Variants in FOCAD observed in about 807,000 individuals in gnomAD.
The protein encoded by FOCAD is focadhesin.
Under a neutral mutation model 225.6 loss-of-function variants are expected in FOCAD, and 198 were observed. The observed-to-expected ratio is 0.88, with a 90% CI of 0.78 to 0.99. FOCAD has a LOEUF of 0.99. FOCAD is among the 50% of genes least tolerant of loss of function. The pLI, the probability that FOCAD is intolerant of heterozygous loss-of-function variation, is 0.00. For missense variants in FOCAD, 2,713 were observed against 2,123.6 expected (o/e 1.28, Z -5.46); for synonymous variants, 897 against 755.0 (o/e 1.19, Z -3.08).
At chr9:20,860,253 G>A (rs1018820194) in intron 15 of FOCAD, among the ~76,000 whole-genome samples, 1 of 151,998 alleles carries the variant, frequency 6.6e-6, no homozygotes, top group Non-Finnish European at 1.5e-5. Context: ...TCCTTTTTCT[G>A]TTCCAGGATC....
chr9:20,888,662 A>C (rs1447636222), intron 21 of FOCAD, among the ~76,000 whole-genome samples: 1 of 152,134 alleles, frequency 6.6e-6, no homozygotes, highest in Non-Finnish European at 1.5e-5. Context: ...TTGAAATGTA[A>C]TGCCTACATG....
chr9:20,869,203 C>A (rs1239333247), intron 18 of FOCAD, among the ~76,000 whole-genome samples: 1 of 152,098 alleles, frequency 6.6e-6, no homozygotes, highest in Non-Finnish European at 1.5e-5. Context: ...CATTACTCTG[C>A]ACTAAGGGCA....
chr9:20,810,628 T>TC (rs139846392), intron 11 of FOCAD, among the ~76,000 whole-genome samples: 110 of 152,236 alleles, frequency 7.2e-4, no homozygotes, highest in Non-Finnish European at 1.3e-3. Context: ...ATTCCTTTTT[T>TC]CCCTGCTGGT....
chr9:20,690,907 T>C (rs929352652), intron 1 of FOCAD, among the ~76,000 whole-genome samples: 17 of 76,126 alleles, frequency 2.2e-4, no homozygotes, highest in African/African-American at 1.1e-3. Context: ...CCTGTCAGCA[T>C]TTTTTTTTTT....
At chr9:20,838,133 A>T (rs1027799522) in intron 15 of FOCAD, among the ~76,000 whole-genome samples, 1 of 152,110 alleles carries the variant, frequency 6.6e-6, no homozygotes, top group South Asian at 2.1e-4. Flanking sequence ...TAAGTTTAGA[A>T]ACGTTATAGT....
At chr9:20,731,698 A>G (rs1205291663) in intron 4 of FOCAD, among the ~76,000 whole-genome samples, 1 of 151,872 alleles carries the variant, frequency 6.6e-6, no homozygotes, top group Non-Finnish European at 1.5e-5. Flanking sequence ...GCTCACCACA[A>G]CCTCTCCCTC....
intron 5 of FOCAD, among the ~76,000 whole-genome samples, chr9:20,745,092 CTTATAT>C (rs1269602461): frequency 6.6e-6 from 1 of 151,348 alleles, no homozygotes; most frequent in Non-Finnish European, 1.5e-5. Flanking sequence ...GTGTAACACA[CTTATAT>C]TTAAGTTATT....
At chr9:20,983,686 G>A (rs1401483011) in intron 39 of FOCAD, among the ~76,000 whole-genome samples, 2 of 152,202 alleles carry the variant, frequency 1.3e-5, no homozygotes, top group East Asian at 3.9e-4. Context: ...GAGCCTCACT[G>A]CTTCAGTTTG....
chr9:20,696,615 G>T (rs138841152), intron 1 of FOCAD, among the ~76,000 whole-genome samples: 2 of 152,186 alleles, frequency 1.3e-5, no homozygotes, highest in African/African-American at 4.8e-5. Flanking sequence ...ACCAGCCTGG[G>T]CAACATGGCA....
At chr9:20,714,895 CA>C (rs1230965732) in intron 1 of FOCAD, among the ~76,000 whole-genome samples, 1 of 152,120 alleles carries the variant, frequency 6.6e-6, no homozygotes, top group Non-Finnish European at 1.5e-5. Flanking sequence ...TTGTCACTAG[CA>C]GTTGGATTAG....
chr9:20,959,396 G>A (rs935159998), intron 35 of FOCAD, among the ~76,000 whole-genome samples: 1 of 151,872 alleles, frequency 6.6e-6, no homozygotes, highest in African/African-American at 2.4e-5. Flanking sequence ...TTTATTTTTT[G>A]CTGTTGAGAT....
intron 5 of FOCAD, among the ~76,000 whole-genome samples, chr9:20,743,999 A>G (rs991623895): frequency 6.6e-6 from 1 of 152,232 alleles, no homozygotes; most frequent in Non-Finnish European, 1.5e-5. Context: ...AGAGAGGCCA[A>G]GAGCAGAAGC....
chr9:20,875,131 A>G (rs1830128875), intron 19 of FOCAD: 3 of 250,592 alleles, frequency 1.2e-5, no homozygotes. Flanking sequence ...ATTGATTTAA[A>G]CAATACTTCT....
Position 20,720,290 on chromosome 9 carries a change from A to T in FOCAD, c.133-90A>T, listed in dbSNP as rs1825669438. The T allele has an allele frequency of 4.6e-6, 6 of 1,297,790 alleles. No individual in the cohort carries two copies. In the East Asian group the frequency reaches 1.4e-4, roughly 30 times the overall value. 80.4% of individuals were successfully genotyped at this position (1,297,790 alleles called of 1,614,324 possible). A position where few individuals can be genotyped will look rare whatever the true frequency, so the allele number is the denominator to read the frequency against. On this transcript the variant is annotated intron_variant, in intron 3 of 43. Coordinates refer to ENST00000338382, the MANE Select transcript of FOCAD (RefSeq NM_001375567.1). ...ATAAAGGAAAGCTAGCCTACTGTGA[A>T]CAAATTACTCATTGATGAATGACCA... is the stretch of plus-strand genomic sequence containing the variant.
intron 2 of FOCAD, among the ~76,000 whole-genome samples, chr9:20,669,581 C>T (rs1563866050): frequency 6.6e-6 from 1 of 152,078 alleles, no homozygotes; most frequent in African/African-American, 2.4e-5. Flanking sequence ...TCAAGACCAG[C>T]CTGGCCAACA....
chr9:20,673,724 TCC>T (rs1419836050), intron 2 of FOCAD, among the ~76,000 whole-genome samples: 1 of 152,114 alleles, frequency 6.6e-6, no homozygotes. Context: ...CACCTCAGCC[TCC>T]CAGGTAGCTG....
Position 20,862,742 on chromosome 9 carries a change from G to C in FOCAD, c.2055+30G>C, listed in dbSNP as rs565574330. ...GCATTTGGAGCTCAGCACATTGCCTGCTTCTTCATGGGAAAGATGTGTGTT... is the reference window on the plus strand; with the variant it reads ...GCATTTGGAGCTCAGCACATTGCCTCCTTCTTCATGGGAAAGATGTGTGTT... On this transcript the variant is annotated intron_variant, in intron 16 of 43. Transcript: ENST00000338382. 7 of 1,590,534 alleles carry C rather than the reference G, an allele frequency of 4.4e-6. No homozygotes were observed. In the East Asian group the frequency reaches 9.0e-5, roughly 21 times the overall value.
intron 4 of FOCAD, among the ~76,000 whole-genome samples, chr9:20,731,588 C>T (rs778859728): frequency 6.6e-6 from 1 of 152,096 alleles, no homozygotes; most frequent in East Asian, 1.9e-4. Flanking sequence ...TGAGCTGTAT[C>T]CATCCATCCA....
At chr9:20,687,035 G>C (rs1406468797) in intron 1 of FOCAD, among the ~76,000 whole-genome samples, 1 of 150,686 alleles carries the variant, frequency 6.6e-6, no homozygotes, top group African/African-American at 2.4e-5. Context: ...CATATTGAAA[G>C]TAATAAAATT....
Sources: gnomAD v4.1 joint callset for allele counts (sites outside exome capture counted in the v4.1 genomes callset) on GRCh38, gnomAD v4.1.1 for gene constraint, MANE v1.5 for transcripts, NCBI Gene and HGNC (gene_info 2026-07-23, HGNC 2026-07-21) for gene names.